Variants in CCSER1 observed in about 807,000 individuals in gnomAD.
CCSER1 encodes the protein serine-rich coiled-coil domain-containing protein 1.
CCSER1 carries 41 observed loss-of-function variants against 82.0 expected under a neutral mutation model. The ratio of observed to expected loss-of-function variants is 0.50; its 90% CI spans 0.39 to 0.65. The LOEUF is 0.65. Ranked by LOEUF, CCSER1 falls within the 30% of genes least tolerant of loss-of-function variation. The pLI is 0.00. For missense variants in CCSER1, 1,119 were observed against 1,064.2 expected (o/e 1.05, Z -0.72); for synonymous variants, 414 against 383.9 (o/e 1.08, Z -0.92).
chr4:91,413,664 A>G (rs905907163), intron 10 of CCSER1, among the ~76,000 whole-genome samples: 3 of 152,154 alleles, frequency 2.0e-5, no homozygotes, highest in Admixed American at 2.0e-4. Context: ...AACTTCTACC[A>G]TCTTAAGAAG....
chr4:91,498,954 A>G (rs2110089038), intron 10 of CCSER1, among the ~76,000 whole-genome samples: 1 of 152,000 alleles, frequency 6.6e-6, no homozygotes. Context: ...TTTACTTATT[A>G]TGTTAATAAT....
intron 10 of CCSER1, among the ~76,000 whole-genome samples, chr4:91,523,409 C>G (rs964006554): frequency 3.9e-5 from 6 of 152,098 alleles, no homozygotes; most frequent in African/African-American, 1.4e-4. Flanking sequence ...AGGGAGGATT[C>G]CCTCTTTTTC....
At chr4:90,601,722 T>C (rs1031357146) in intron 5 of CCSER1, among the ~76,000 whole-genome samples, 1 of 151,994 alleles carries the variant, frequency 6.6e-6, no homozygotes, top group African/African-American at 2.4e-5. Flanking sequence ...AAGTATTGCT[T>C]TCACAGCATC....
rs1439091534 is a variant in CCSER1 at position 90,160,125 on chromosome 4, A to G, written c.-42+32294A>G. 3.3e-5 allele frequency among the ~76,000 whole-genome samples: 5 copies of G among 152,208 alleles called. No homozygotes were observed. In the East Asian group the frequency reaches 9.6e-4, roughly 29 times the overall value. On this transcript the variant is annotated intron_variant, in intron 1 of 10. Transcript: ENST00000509176. ...TGGGGGCAGAGCAGGATTTAACTCC[A>G]TAGTAGTTGTTGCACTCAACCAGTG... is the stretch of plus-strand genomic sequence containing the variant.
At chr4:90,956,282 A>G (rs1733424072) in intron 9 of CCSER1, among the ~76,000 whole-genome samples, 1 of 152,222 alleles carries the variant, frequency 6.6e-6, no homozygotes, top group South Asian at 2.1e-4. Flanking sequence ...GGCTTAAGAA[A>G]GACCTACTAA....
intron 3 of CCSER1, among the ~76,000 whole-genome samples, chr4:90,373,975 C>T (rs1363302670): frequency 6.6e-6 from 1 of 152,168 alleles, no homozygotes; most frequent in Non-Finnish European, 1.5e-5. Flanking sequence ...AATGCCGATA[C>T]TCTAGATACT....
chr4:91,306,599 G>A (rs537871844), intron 10 of CCSER1, among the ~76,000 whole-genome samples: 2 of 152,054 alleles, frequency 1.3e-5, no homozygotes, highest in South Asian at 4.1e-4. Context: ...TTATTCATGA[G>A]TATATTCTTT....
chr4:91,431,278 T>A (rs1296562312), intron 10 of CCSER1, among the ~76,000 whole-genome samples: 2 of 152,178 alleles, frequency 1.3e-5, no homozygotes, highest in East Asian at 1.9e-4. Context: ...ACATAAAAAA[T>A]TGGCTAGCTA....
At chr4:90,817,613 T>C (rs1759184768) in intron 8 of CCSER1, among the ~76,000 whole-genome samples, 1 of 151,998 alleles carries the variant, frequency 6.6e-6, no homozygotes, top group Admixed American at 6.5e-5. Context: ...TCCATAATCA[T>C]CTTGAATAAA....
intron 5 of CCSER1, among the ~76,000 whole-genome samples, chr4:90,550,903 C>A (rs1275004939): frequency 6.6e-6 from 1 of 152,054 alleles, no homozygotes; most frequent in East Asian, 1.9e-4. Flanking sequence ...GTTCTAGTTG[C>A]AAATATTATC....
At chr4:90,998,814 T>C (rs773009521) in intron 9 of CCSER1, among the ~76,000 whole-genome samples, 37 of 152,020 alleles carry the variant, frequency 2.4e-4, no homozygotes, top group Non-Finnish European at 5.0e-4. Context: ...GTTTGGGGTA[T>C]GAATGATCCC....
At chr4:91,335,356 C>G (rs754161628) in intron 10 of CCSER1, among the ~76,000 whole-genome samples, 1 of 152,042 alleles carries the variant, frequency 6.6e-6, no homozygotes, top group Non-Finnish European at 1.5e-5. Context: ...GACCTACTTT[C>G]TAACTCCCTA....
intron 5 of CCSER1, among the ~76,000 whole-genome samples, chr4:90,529,671 C>G (rs929144647): frequency 6.6e-6 from 1 of 151,954 alleles, no homozygotes; most frequent in African/African-American, 2.4e-5. Flanking sequence ...GAATATGCTG[C>G]TTTTTTTGGC....
intron 10 of CCSER1, among the ~76,000 whole-genome samples, chr4:91,285,547 T>G (rs1218129313): frequency 6.6e-6 from 1 of 151,856 alleles, no homozygotes. Flanking sequence ...TGGTTCCAGT[T>G]AAGTGAGTTA....
intron 6 of CCSER1, among the ~76,000 whole-genome samples, chr4:90,687,913 G>A (rs1579929531): frequency 6.6e-6 from 1 of 152,118 alleles, no homozygotes; most frequent in African/African-American, 2.4e-5. Context: ...ATACCTGCGC[G>A]CTGACTCTGA....
intron 5 of CCSER1, among the ~76,000 whole-genome samples, chr4:90,529,744 A>G (rs1470522725): frequency 6.6e-6 from 1 of 151,998 alleles, no homozygotes; most frequent in East Asian, 1.9e-4. Context: ...TAATAACATA[A>G]ATTTTCATTA....
At chr4:91,231,615 TAA>T (rs981795049) in intron 10 of CCSER1, among the ~76,000 whole-genome samples, 4 of 151,914 alleles carry the variant, frequency 2.6e-5, no homozygotes, top group African/African-American at 9.6e-5. Flanking sequence ...AGAAAAAAGA[TAA>T]AGACTCCTCT....
At chr4:90,665,385 G>C (rs1302565699) in intron 6 of CCSER1, among the ~76,000 whole-genome samples, 3 of 150,926 alleles carry the variant, frequency 2.0e-5, no homozygotes, top group Admixed American at 6.6e-5. Context: ...GCAGTGGCGT[G>C]ATCTCGGCTC....
chr4:91,119,173 AT>A (rs1726880175), intron 10 of CCSER1, among the ~76,000 whole-genome samples: 1 of 152,150 alleles, frequency 6.6e-6, no homozygotes, highest in Admixed American at 6.5e-5. Flanking sequence ...CATGGCAGAG[AT>A]TTCAGGAAAA....
Sources: allele counts gnomAD v4.1 joint callset (sites outside exome capture counted in the v4.1 genomes callset), GRCh38; gene constraint gnomAD v4.1.1; transcripts MANE v1.5; gene names NCBI Gene and HGNC (gene_info 2026-07-23, HGNC 2026-07-21).